EPHA5: variants seen among roughly 807,000 people sequenced by gnomAD.
EPHA5 encodes the protein EPH receptor A5.
Under a neutral mutation model 105.0 loss-of-function variants are expected in EPHA5, and 60 were observed. That is an observed-to-expected ratio of 0.57 (90% CI 0.46 to 0.71). The LOEUF is 0.71. Ranked by LOEUF, EPHA5 falls within the 30% of genes least tolerant of loss-of-function variation. The pLI, the probability that EPHA5 is intolerant of heterozygous loss-of-function variation, is 0.00. For synonymous variants in EPHA5, 513 were observed against 449.1 expected, an observed-to-expected ratio of 1.14 and a Z score of -1.80; for missense variants, 1,218 against 1,274.7, an observed-to-expected ratio of 0.96 and a Z score of 0.68.
chr4:65,432,937 G>A (rs1725115523), intron 5 of EPHA5, among the ~76,000 whole-genome samples: 2 of 151,980 alleles, frequency 1.3e-5, no homozygotes, highest in South Asian at 2.1e-4. Context: ...TAGTGGATTA[G>A]GGATTTAAAC....
At chr4:65,596,620 T>C (rs1188968716) in intron 3 of EPHA5, among the ~76,000 whole-genome samples, 3 of 152,092 alleles carry the variant, frequency 2.0e-5, no homozygotes, top group African/African-American at 7.2e-5. Flanking sequence ...TTGTGTAATG[T>C]TTGTAAATGG....
chr4:65,667,513 T>G (rs2149564075), intron 1 of EPHA5, among the ~76,000 whole-genome samples: 1 of 152,248 alleles, frequency 6.6e-6, no homozygotes, highest in Admixed American at 6.5e-5. Context: ...TAGTCCAAGT[T>G]TTGCTGTGTG....
chr4:65,410,286 T>G (rs897386843), intron 7 of EPHA5, among the ~76,000 whole-genome samples: 8 of 152,198 alleles, frequency 5.3e-5, no homozygotes, highest in Admixed American at 2.0e-4. Context: ...CAGGGAATCA[T>G]GCTAAGTGAA....
chr4:65,521,649 A>C (rs141847318), intron 3 of EPHA5, among the ~76,000 whole-genome samples: 2 of 152,002 alleles, frequency 1.3e-5, no homozygotes, highest in African/African-American at 2.4e-5. Context: ...TTTCTATTAG[A>C]ATTGAAGTAT....
chr4:65,458,130 A>G (rs1160313883), intron 5 of EPHA5, among the ~76,000 whole-genome samples: 2 of 151,702 alleles, frequency 1.3e-5, no homozygotes, highest in Admixed American at 1.3e-4. Flanking sequence ...TTTTTATACT[A>G]AGATAATTGA....
intron 3 of EPHA5, among the ~76,000 whole-genome samples, chr4:65,548,953 A>G (rs1023198278): frequency 6.6e-6 from 1 of 152,176 alleles, no homozygotes; most frequent in Non-Finnish European, 1.5e-5. Context: ...GTAAAAAATA[A>G]AATTATTTGC....
intron 8 of EPHA5, among the ~76,000 whole-genome samples, chr4:65,379,026 T>C (rs947865125): frequency 6.6e-6 from 1 of 151,840 alleles, no homozygotes; most frequent in Non-Finnish European, 1.5e-5. Flanking sequence ...GAAAAAAAGA[T>C]GTCATTTCCT....
intron 7 of EPHA5, among the ~76,000 whole-genome samples, chr4:65,408,353 A>G (rs1722573053): frequency 6.6e-6 from 1 of 152,154 alleles, no homozygotes; most frequent in African/African-American, 2.4e-5. Flanking sequence ...GTTTAAGAAA[A>G]TTAGTTTATT....
intron 1 of EPHA5, among the ~76,000 whole-genome samples, chr4:65,649,084 T>G (rs577290330): frequency 6.6e-6 from 1 of 152,332 alleles, no homozygotes; most frequent in East Asian, 1.9e-4. Context: ...GGAAGAGTAT[T>G]TATTTTACAA....
intron 1 of EPHA5, among the ~76,000 whole-genome samples, chr4:65,660,687 A>G (rs1749482099): frequency 6.6e-6 from 1 of 152,080 alleles, no homozygotes; most frequent in South Asian, 2.1e-4. Context: ...CCACTGTCTA[A>G]GACCATGGTT....
chr4:65,533,315 C>T (rs1193146445), intron 3 of EPHA5, among the ~76,000 whole-genome samples: 1 of 151,954 alleles, frequency 6.6e-6, no homozygotes, highest in African/African-American at 2.4e-5. Context: ...ACATAGAATG[C>T]TGAAATTTAT....
chr4:65,613,714 A>C (rs1744978973), intron 2 of EPHA5, among the ~76,000 whole-genome samples: 1 of 152,006 alleles, frequency 6.6e-6, no homozygotes, highest in South Asian at 2.1e-4. Context: ...CTGGCCAAAA[A>C]GTTAATATCA....
At chr4:65,513,625 A>G (rs1025791201) in intron 3 of EPHA5, among the ~76,000 whole-genome samples, 3 of 152,188 alleles carry the variant, frequency 2.0e-5, no homozygotes, top group East Asian at 3.9e-4. Flanking sequence ...TGACCTTGTG[A>G]TCCGCCTGCC....
At chr4:65,433,204 T>C (rs115193612) in intron 5 of EPHA5, among the ~76,000 whole-genome samples, 2,597 of 152,288 alleles carry the variant, frequency 0.017, 29 homozygotes, top group South Asian at 0.042. Context: ...GTATATAACT[T>C]AAAATGACTT....
intron 5 of EPHA5, among the ~76,000 whole-genome samples, chr4:65,438,792 G>A (rs1284691698): frequency 2.0e-5 from 3 of 151,834 alleles, no homozygotes; most frequent in African/African-American, 4.8e-5. Context: ...GAATGTCAAC[G>A]CAAAAGGAGG....
intron 8 of EPHA5, among the ~76,000 whole-genome samples, chr4:65,397,225 A>C (rs958634163): frequency 1.3e-5 from 2 of 152,162 alleles, no homozygotes; most frequent in Non-Finnish European, 1.5e-5. Context: ...CAGAAGTCAA[A>C]GGGAGAAAGG....
intron 8 of EPHA5, among the ~76,000 whole-genome samples, chr4:65,399,256 G>T (rs1006959002): frequency 3.3e-5 from 5 of 152,158 alleles, no homozygotes; most frequent in Non-Finnish European, 7.3e-5. Flanking sequence ...ACTTGTGCTG[G>T]TATCAGGAGC....
intron 11 of EPHA5, among the ~76,000 whole-genome samples, chr4:65,364,440 T>G (rs1052007639): frequency 1.3e-5 from 2 of 151,672 alleles, no homozygotes; most frequent in Non-Finnish European, 3.0e-5. Context: ...TAACACAAAT[T>G]AAAAGAGATG....
At chr4:65,627,603 G>T (rs568698459) in intron 2 of EPHA5, among the ~76,000 whole-genome samples, 10 of 152,244 alleles carry the variant, frequency 6.6e-5, no homozygotes, top group Admixed American at 1.3e-4. Context: ...GTTTGAGCAG[G>T]AGAGAGAAAG....
Sources: gnomAD v4.1 joint callset for allele counts (sites outside exome capture counted in the v4.1 genomes callset) on GRCh38, gnomAD v4.1.1 for gene constraint, MANE v1.5 for transcripts, NCBI Gene and HGNC (gene_info 2026-07-23, HGNC 2026-07-21) for gene names.